Variants in NLGN1 observed in about 807,000 individuals in gnomAD.
NLGN1 encodes neuroligin-1.
Under a neutral mutation model 65.5 loss-of-function variants are expected in NLGN1, and 12 were observed. The observed-to-expected ratio is 0.18, with a 90% confidence interval of 0.12 to 0.30. The LOEUF is 0.30. Ranked by LOEUF, NLGN1 falls within the 10% of genes least tolerant of loss-of-function variation. NLGN1 has a pLI of 1.00. For missense variants in NLGN1, 750 were observed against 1,007.1 expected (o/e 0.74, Z 3.46); for synonymous variants, 350 against 359.5 (o/e 0.97, Z 0.30).
At chr3:173,888,246 G>A (rs1326940236) in intron 4 of NLGN1, among the ~76,000 whole-genome samples, 1 of 151,808 alleles carries the variant, frequency 6.6e-6, no homozygotes, top group Non-Finnish European at 1.5e-5. Context: ...TGGGGAATGG[G>A]TTCCAGGACC....
intron 3 of NLGN1, among the ~76,000 whole-genome samples, chr3:173,644,938 G>T (rs943987600): frequency 6.6e-6 from 1 of 152,234 alleles, no homozygotes. Flanking sequence ...GAGGAACATA[G>T]GGAAGGATAC....
chr3:174,065,944 A>C (rs919087160), intron 4 of NLGN1, among the ~76,000 whole-genome samples: 1 of 152,180 alleles, frequency 6.6e-6, no homozygotes, highest in South Asian at 2.1e-4. Context: ...TGAGTGAGCC[A>C]GAAGATCCAG....
intron 4 of NLGN1, among the ~76,000 whole-genome samples, chr3:173,809,398 G>A (rs1203829206): frequency 6.6e-6 from 1 of 152,070 alleles, no homozygotes; most frequent in Non-Finnish European, 1.5e-5. Flanking sequence ...TGGTAGTATT[G>A]TTGAGAGCTC....
chr3:174,266,680 A>T (rs150722650), intron 4 of NLGN1, among the ~76,000 whole-genome samples: 12 of 152,358 alleles, frequency 7.9e-5, no homozygotes, highest in African/African-American at 2.6e-4. Context: ...CAAGTAGTGT[A>T]TAAGCATTCC....
chr3:173,729,963 A>C (rs959988143), intron 3 of NLGN1, among the ~76,000 whole-genome samples: 1 of 152,012 alleles, frequency 6.6e-6, no homozygotes, highest in African/African-American at 2.4e-5. Context: ...TAGGTCAGTG[A>C]GGCAGAATTT....
At chr3:174,164,258 T>C (rs1025981793) in intron 4 of NLGN1, among the ~76,000 whole-genome samples, 1 of 152,144 alleles carries the variant, frequency 6.6e-6, no homozygotes, top group African/African-American at 2.4e-5. Context: ...TGTCTGTTCC[T>C]GTCTTTTGCC....
chr3:173,397,072 AATAATG>A (rs545781021), upstream of NLGN1, among the ~76,000 whole-genome samples: 587 of 152,274 alleles, frequency 3.9e-3, 4 homozygotes, highest in African/African-American at 0.013. Flanking sequence ...AGCAATAAAA[AATAATG>A]AACTTTAATA....
At chr3:173,761,479 A>C (rs999730878) in intron 3 of NLGN1, among the ~76,000 whole-genome samples, 1 of 152,048 alleles carries the variant, frequency 6.6e-6, no homozygotes, top group African/African-American at 2.4e-5. Context: ...ATACAGTTCA[A>C]CTGAGGTAAA....
intron 2 of NLGN1, among the ~76,000 whole-genome samples, chr3:173,544,114 T>C (rs1438464352): frequency 6.6e-6 from 1 of 152,118 alleles, no homozygotes; most frequent in Non-Finnish European, 1.5e-5. Context: ...AGTATTATGT[T>C]GAATTGCGGG....
At position 173,422,609 on chromosome 3, in the gene NLGN1, C is replaced by G. The variant is rs554702925; in HGVS notation, c.-389-12401C>G. Among the ~76,000 whole-genome samples, 3 of 152,294 alleles carry G rather than the reference C, an allele frequency of 2.0e-5. No individual in the cohort carries two copies. In the South Asian group the frequency reaches 6.2e-4, roughly 32 times the overall value. On this transcript the variant is annotated intron_variant, in intron 1 of 6. Coordinates refer to ENST00000457714, the Ensembl canonical transcript of NLGN1. ...CCATAATCAGTTTACAAACCTTCCT[C>G]TTTCTCCTTGCCAGCATCTGTTATT...
At chr3:173,742,452 C>T (rs892864107) in intron 3 of NLGN1, among the ~76,000 whole-genome samples, 1 of 152,088 alleles carries the variant, frequency 6.6e-6, no homozygotes, top group African/African-American at 2.4e-5. Context: ...ATATTCTATA[C>T]ATTTTATATG....
At chr3:173,861,429 A>G (rs1045021053) in intron 4 of NLGN1, among the ~76,000 whole-genome samples, 1 of 151,866 alleles carries the variant, frequency 6.6e-6, no homozygotes, top group Non-Finnish European at 1.5e-5. Flanking sequence ...GAAGGATGAA[A>G]CAGTGTTTAG....
At position 173,605,972 on chromosome 3, in the gene NLGN1, C is replaced by T. The variant is rs759077093; in HGVS notation, c.493+881C>T. On this transcript the variant is annotated intron_variant, in intron 3 of 6. Transcript: ENST00000457714. Reference sequence around the variant, plus strand: ...TTTCTACAGATATATATTTGTGTTCCTCTTAGAATTTGATCACTCAATCAC... The same window carrying T: ...TTTCTACAGATATATATTTGTGTTCTTCTTAGAATTTGATCACTCAATCAC... Among the ~76,000 whole-genome samples, 43 of 152,178 alleles carry T rather than the reference C, an allele frequency of 2.8e-4. No individual in the cohort carries two copies. The Middle Eastern group carries it at 0.017, about 60-fold the overall frequency.
chr3:174,281,202 A>T (rs942046779), exon 7 of NLGN1: 2 of 1,613,246 alleles, frequency 1.2e-6, no homozygotes, highest in Non-Finnish European at 8.5e-7. Context: ...TATACCAGGG[A>T]TTCAGCCCTT....
intron 4 of NLGN1, among the ~76,000 whole-genome samples, chr3:173,985,464 G>A (rs1719684118): frequency 6.6e-6 from 1 of 152,138 alleles, no homozygotes; most frequent in South Asian, 2.1e-4. Flanking sequence ...TGCCAGGAGA[G>A]AGACTAACAG....
At chr3:173,418,539 A>G (rs532472743) in intron 1 of NLGN1, among the ~76,000 whole-genome samples, 27 of 152,266 alleles carry the variant, frequency 1.8e-4, no homozygotes, top group African/African-American at 6.5e-4. Context: ...TTCCAATCCA[A>G]TAGGTATGAT....
intron 4 of NLGN1, among the ~76,000 whole-genome samples, chr3:174,040,751 A>G (rs554032512): frequency 6.6e-6 from 1 of 152,244 alleles, no homozygotes; most frequent in African/African-American, 2.4e-5. Context: ...TTTAATAAAA[A>G]TTCTCAAACA....
chr3:173,941,162 A>G (rs1009927435), intron 4 of NLGN1, among the ~76,000 whole-genome samples: 4 of 152,070 alleles, frequency 2.6e-5, no homozygotes, highest in South Asian at 2.1e-4. Flanking sequence ...TGCTGCTCCA[A>G]TTATCCGAAG....
chr3:173,407,749 A>G (rs957551758), intron 1 of NLGN1, among the ~76,000 whole-genome samples: 5 of 152,220 alleles, frequency 3.3e-5, no homozygotes, highest in Admixed American at 3.3e-4. Flanking sequence ...AAACACACAC[A>G]TACAACACAT....
Sources: gnomAD v4.1 joint callset for allele counts (sites outside exome capture counted in the v4.1 genomes callset) on GRCh38, gnomAD v4.1.1 for gene constraint, MANE v1.5 for transcripts, NCBI Gene and HGNC (gene_info 2026-07-23, HGNC 2026-07-21) for gene names.